Variants in DENND1B observed in about 807,000 individuals in gnomAD.
DENND1B encodes DENN domain containing 1B, also known as DENN domain-containing protein 1B.
In DENND1B, 59 loss-of-function variants were observed where a neutral mutation model predicts 90.1. The observed-to-expected ratio is 0.65, with a 90% CI of 0.53 to 0.81. The LOEUF is 0.81. Ranked by LOEUF, DENND1B falls within the 40% of genes least tolerant of loss-of-function variation. The pLI, the probability that DENND1B is intolerant of heterozygous loss-of-function variation, is 0.00. For synonymous variants in DENND1B, 337 were observed against 324.6 expected, an observed-to-expected ratio of 1.04 and a Z score of -0.41; for missense variants, 862 against 912.6, an observed-to-expected ratio of 0.94 and a Z score of 0.71.
chr1:197,528,300 A>T (rs1669289741), intron 20 of DENND1B, among the ~76,000 whole-genome samples: 2 of 152,208 alleles, frequency 1.3e-5, no homozygotes, highest in South Asian at 4.1e-4. Flanking sequence ...CAATCAAAAC[A>T]TGGCTTTGAA....
intron 15 of DENND1B, among the ~76,000 whole-genome samples, chr1:197,578,114 T>C (rs930626814): frequency 2.0e-5 from 3 of 152,336 alleles, no homozygotes; most frequent in Admixed American, 6.5e-5. Flanking sequence ...GATCAAAGGA[T>C]ACAAAGTTTC....
intron 3 of DENND1B, among the ~76,000 whole-genome samples, chr1:197,713,836 A>G (rs1403791298): frequency 2.4e-4 from 2 of 8,204 alleles, no homozygotes; most frequent in Non-Finnish European, 4.7e-4. Flanking sequence ...TATATATAAT[A>G]TATTATATTA....
rs1022351795 is a variant in DENND1B at position 197,574,639 on chromosome 1, T to C, written c.1149+8513A>G. Among the ~76,000 whole-genome samples, 16 of 152,086 alleles carry C rather than the reference T, an allele frequency of 1.1e-4. 1 individual carries two copies. The highest frequency in any genetic ancestry group is 5.2e-4 in the Admixed American group (8 of 15,278). ...AAAAGAGCGCGCATTGCCAAGACAA[T>C]CCTAAGCAAAAAGAACAAAGCTGGA... is the stretch of plus-strand genomic sequence containing the variant. On this transcript the variant is annotated intron_variant, in intron 15 of 22. Transcript: ENST00000620048.
chr1:197,726,963 TA>T (rs1240410192), intron 2 of DENND1B, among the ~76,000 whole-genome samples: 1 of 152,222 alleles, frequency 6.6e-6, no homozygotes, highest in East Asian at 1.9e-4. Flanking sequence ...TCTGTTGATG[TA>T]GAATGAAAAG....
chr1:197,696,864 A>T (rs1048707219), intron 3 of DENND1B, among the ~76,000 whole-genome samples: 11 of 150,864 alleles, frequency 7.3e-5, no homozygotes, highest in African/African-American at 2.4e-4. Flanking sequence ...CAAGAAACAT[A>T]CATACAGCCT....
Position 197,627,840 on chromosome 1 carries a change from A to G in DENND1B, c.673-10081T>C, listed in dbSNP as rs575203737. On this transcript the variant is annotated intron_variant, in intron 10 of 22. Transcript: ENST00000620048. ...AGCAACTTCAGCAAAGTCTCAGGAT[A>G]CAAAATCAATGTACAAAAATCACAA... 8.5e-5 allele frequency among the ~76,000 whole-genome samples: 13 copies of G among 152,326 alleles called. No individual in the cohort carries two copies. In the South Asian group the frequency reaches 1.4e-3, roughly 17 times the overall value.
chr1:197,740,293 A>G (rs1040340953), intron 2 of DENND1B, among the ~76,000 whole-genome samples: 5 of 152,186 alleles, frequency 3.3e-5, no homozygotes, highest in African/African-American at 1.2e-4. Flanking sequence ...CAGTTAAGAG[A>G]GCAAGGGAGA....
At chr1:197,651,712 G>A (rs1407544989) in intron 7 of DENND1B, among the ~76,000 whole-genome samples, 13 of 120,302 alleles carry the variant, frequency 1.1e-4, no homozygotes, top group Non-Finnish European at 1.4e-4. Flanking sequence ...CTGGAGTGCA[G>A]TAACACGATC....
intron 5 of DENND1B, 124 bp from the exon 6 acceptor site, chr1:197,658,493 C>A: frequency 1.7e-6 from 1 of 590,116 alleles, no homozygotes; most frequent in Non-Finnish European, 2.9e-6. Context: ...GAACTATACC[C>A]ATTTTCTTTA....
At chr1:197,678,008 T>C (rs1168091925) in intron 3 of DENND1B, among the ~76,000 whole-genome samples, 1 of 152,180 alleles carries the variant, frequency 6.6e-6, no homozygotes, top group Non-Finnish European at 1.5e-5. Flanking sequence ...TCAGTCTTTT[T>C]ATCAGTGAGG....
rs991980588 is a variant in DENND1B at position 197,585,707 on chromosome 1, A to T, written c.1048-2454T>A. On this transcript the variant is annotated intron_variant, in intron 14 of 22. Transcript: ENST00000620048. ...GATAATAACAAAAGGCAAAGCACTGACACATCAGAATTTTCTCTCAAGGAG... is the reference window on the plus strand; with the variant it reads ...GATAATAACAAAAGGCAAAGCACTGTCACATCAGAATTTTCTCTCAAGGAG... 2.0e-5 allele frequency among the ~76,000 whole-genome samples: 3 copies of T among 152,240 alleles called. No homozygotes were observed. The South Asian group carries it at 6.2e-4, about 31-fold the overall frequency.
intron 13 of DENND1B, 120 bp downstream of exon 13, chr1:197,606,953 C>A: frequency 1.4e-6 from 1 of 691,894 alleles, no homozygotes; most frequent in South Asian, 1.8e-5. Context: ...ATTTCTCTCA[C>A]ACCCCATGCA....
At chr1:197,592,558 G>A (rs1258941064) in intron 14 of DENND1B, among the ~76,000 whole-genome samples, 3 of 152,168 alleles carry the variant, frequency 2.0e-5, no homozygotes, top group African/African-American at 7.2e-5. Flanking sequence ...GGATCATGAA[G>A]GAACTAGACG....
In DENND1B at chr1:197,713,780, TTA is replaced by T. The variant is rs1358389697; in HGVS notation, c.126+1249_126+1250del. ...AAAATAATTATATTATATTATTATA[TTA>T]TATTATAATATTATTATATTATAAT... On this transcript the variant is annotated intron_variant, in intron 3 of 22. Transcript: ENST00000620048. Among the ~76,000 whole-genome samples the T allele has an allele frequency of 4.5e-3, 78 of 17,402 alleles. 3 individuals are homozygous for T. The highest frequency in any genetic ancestry group is 5.1e-3 in the Non-Finnish European group (61 of 12,050). The allele number at this position is 17,402 out of a possible 152,430, so 11.4% of individuals were successfully genotyped here.
intron 3 of DENND1B, among the ~76,000 whole-genome samples, chr1:197,685,159 AT>A (rs1351814502): frequency 1.3e-5 from 2 of 152,090 alleles, no homozygotes; most frequent in African/African-American, 2.4e-5. Flanking sequence ...AGCAAATTAT[AT>A]GTCATATTGA....
At chr1:197,596,970 ATTGAG>A (rs1018592500) in intron 13 of DENND1B, among the ~76,000 whole-genome samples, 1 of 151,852 alleles carries the variant, frequency 6.6e-6, no homozygotes, top group Non-Finnish European at 1.5e-5. Context: ...CGAAAAAATT[ATTGAG>A]TTATGTTCAT....
At chr1:197,580,068 T>G (rs1674061724) in intron 15 of DENND1B, among the ~76,000 whole-genome samples, 1 of 145,828 alleles carries the variant, frequency 6.9e-6, no homozygotes, top group Non-Finnish European at 1.5e-5. Flanking sequence ...TTAATAATTT[T>G]TCTTTCTTTT....
intron 3 of DENND1B, chr1:197,689,665 A>T: frequency 6.0e-6 from 1 of 167,992 alleles, no homozygotes; most frequent in Non-Finnish European, 1.3e-5. Flanking sequence ...TAAGGAAATC[A>T]GCACCCATAT....
In DENND1B at chr1:197,510,792, C is replaced by T; in HGVS notation, c.1996G>A (p.Glu666Lys). Reference sequence around the variant, plus strand: ...GCACCGAGGTGCTTGTTACTGTTTTCCTCTTTCAGGATAAACAGAGAATCT... The same window carrying T: ...GCACCGAGGTGCTTGTTACTGTTTTTCTCTTTCAGGATAAACAGAGAATCT... ...LTDSLFILKE[E>K]NSNKHLGADN... The change falls in exon 23 of 23, where the codon GAA (glutamate) becomes AAA (lysine). Residue 666 changes from glutamate to lysine, a missense_variant. By Grantham distance (56) the Glu-to-Lys change is moderately conservative. Transcript: ENST00000620048. The T allele has an allele frequency of 6.2e-7, 1 of 1,612,306 alleles. No homozygotes were observed. The highest frequency in any genetic ancestry group is 2.2e-5 in the East Asian group (1 of 44,808).
Sources: allele counts gnomAD v4.1 joint callset (sites outside exome capture counted in the v4.1 genomes callset), GRCh38; gene constraint gnomAD v4.1.1; transcripts MANE v1.5; gene names NCBI Gene and HGNC (gene_info 2026-07-23, HGNC 2026-07-21).